TENM2: variants seen among roughly 807,000 people sequenced by gnomAD.
The protein encoded by TENM2 is teneurin-2.
Under a neutral mutation model 245.2 loss-of-function variants are expected in TENM2, and 52 were observed. The ratio of observed to expected loss-of-function variants is 0.21; its 90% CI spans 0.17 to 0.27. The LOEUF (loss-of-function observed/expected upper bound fraction) is 0.27, where lower values mean the gene tolerates loss of function less well. Among genes scored for constraint, TENM2 ranks in the 10% least tolerant of loss-of-function variants. The probability of loss-of-function intolerance (pLI) is 1.00; values close to 1 mark genes in which losing one functional copy is unlikely to be tolerated. For missense variants in TENM2, 3,046 were observed against 3,666.8 expected (o/e 0.83, Z 4.37); for synonymous variants, 1,363 against 1,438.9 (o/e 0.95, Z 1.19).
At chr5:167,915,118 A>G (rs1279952792) in intron 3 of TENM2, among the ~76,000 whole-genome samples, 1 of 152,116 alleles carries the variant, frequency 6.6e-6, no homozygotes, top group Non-Finnish European at 1.5e-5. Context: ...TATCCCACCT[A>G]CCATACCTCC....
intron 2 of TENM2, among the ~76,000 whole-genome samples, chr5:167,702,588 T>A (rs1056816780): frequency 1.6e-4 from 22 of 139,792 alleles, no homozygotes; most frequent in Non-Finnish European, 2.7e-4. Flanking sequence ...ATATATATAT[T>A]TCTTTACATA....
At chr5:168,104,940 G>A (rs748229571) in intron 9 of TENM2, among the ~76,000 whole-genome samples, 2 of 152,168 alleles carry the variant, frequency 1.3e-5, no homozygotes, top group Non-Finnish European at 2.9e-5. Flanking sequence ...CAGACTAGAG[G>A]GAGGAGCGAG....
intron 3 of TENM2, chr5:167,952,375 T>C (rs1260026867): frequency 2.4e-5 from 14 of 593,094 alleles, no homozygotes; most frequent in Non-Finnish European, 3.6e-5. Flanking sequence ...TTATTCTTCA[T>C]TTGATGCGTG....
the TENM2 span, among the ~76,000 whole-genome samples, chr5:166,996,000 A>G: frequency 6.6e-6 from 1 of 151,948 alleles, no homozygotes; most frequent in Non-Finnish European, 1.5e-5. Flanking sequence ...TTTATGATTC[A>G]TATTAATTAA....
rs11287928 is a variant in TENM2, at chr5:167,807,624, TAAAAAAAAA to T, written c.503-68355_503-68347del. ...AGTGACTTAATAAATGCATTTTTTT[TAAAAAAAAA>T]AAAAAAGAGACAGAACCTCTTAAAA... On this transcript the variant is annotated intron_variant, in intron 2 of 28. Transcript: ENST00000518659. Among the ~76,000 whole-genome samples the T allele has an allele frequency of 8.9e-3, 1,335 of 149,722 alleles. 23 individuals carry two copies. Among genetic ancestry groups the T allele is most frequent in the African/African-American group, 0.03 (1,243 of 40,956 alleles).
intron 2 of TENM2, among the ~76,000 whole-genome samples, chr5:167,482,364 C>T (rs12519007): frequency 0.19 from 28,769 of 152,036 alleles, 2,702 homozygotes; most frequent in East Asian, 0.24. Context: ...ACTATATATT[C>T]ATGTGGATGT....
At chr5:168,034,727 G>A (rs1300178212) in intron 5 of TENM2, among the ~76,000 whole-genome samples, 1 of 152,114 alleles carries the variant, frequency 6.6e-6, no homozygotes, top group East Asian at 1.9e-4. Flanking sequence ...AGCTATGACT[G>A]CACCACTACC....
Position 167,929,587 on chromosome 5 carries a change from G to C in TENM2, c.713-23001G>C, listed in dbSNP as rs370885066. 2.6e-5 allele frequency among the ~76,000 whole-genome samples: 4 copies of C among 152,148 alleles called. No individual in the cohort carries two copies. The East Asian group carries it at 5.8e-4, about 22-fold the overall frequency. ...ACCATGTTATTAGCATCACAATCAGGCTCAGGCATACAATAGATGCTTCAT... is the reference window on the plus strand; with the variant it reads ...ACCATGTTATTAGCATCACAATCAGCCTCAGGCATACAATAGATGCTTCAT... On this transcript the variant is annotated intron_variant, in intron 3 of 28. Transcript: ENST00000518659.
At chr5:167,558,798 A>G (rs1056630219) in intron 2 of TENM2, among the ~76,000 whole-genome samples, 2 of 150,902 alleles carry the variant, frequency 1.3e-5, no homozygotes, top group African/African-American at 4.9e-5. Flanking sequence ...CCCCACCACC[A>G]CCATCCACTG....
At chr5:167,727,113 T>C (rs935604276) in intron 2 of TENM2, among the ~76,000 whole-genome samples, 1 of 136,258 alleles carries the variant, frequency 7.3e-6, no homozygotes, top group African/African-American at 2.7e-5. Flanking sequence ...TCTTTTTTTT[T>C]TTTTTTTTTT....
At chr5:167,125,706 T>C in the TENM2 span, among the ~76,000 whole-genome samples, 1 of 152,184 alleles carries the variant, frequency 6.6e-6, no homozygotes, top group African/African-American at 2.4e-5. Flanking sequence ...TAATCGTCCG[T>C]ATGCAGCTTG....
the TENM2 span, among the ~76,000 whole-genome samples, chr5:167,105,145 A>C: frequency 0.023 from 3,568 of 152,272 alleles, 145 homozygotes; most frequent in African/African-American, 0.082. Flanking sequence ...AGTAGATGCA[A>C]TTGTGGAGGG....
chr5:167,026,674 C>G, the TENM2 span, among the ~76,000 whole-genome samples: 2 of 152,098 alleles, frequency 1.3e-5, no homozygotes, highest in South Asian at 4.1e-4. Flanking sequence ...ATCTGATTCC[C>G]GGTGAGGCGT....
chr5:167,735,797 C>A (rs1043053745), intron 2 of TENM2, among the ~76,000 whole-genome samples: 2 of 151,944 alleles, frequency 1.3e-5, no homozygotes, highest in Non-Finnish European at 2.9e-5. Context: ...TAGAGTGAGA[C>A]CCTGTCTCAC....
chr5:167,751,913 A>G (rs1761980643), intron 2 of TENM2, among the ~76,000 whole-genome samples: 2 of 151,834 alleles, frequency 1.3e-5, no homozygotes, highest in Non-Finnish European at 2.9e-5. Context: ...TTGAGAGACA[A>G]GTCTGTCTTC....
chr5:167,592,264 C>T (rs1775926303), intron 2 of TENM2, among the ~76,000 whole-genome samples: 2 of 152,172 alleles, frequency 1.3e-5, no homozygotes, highest in Admixed American at 6.5e-5. Context: ...ACCTTTGTGT[C>T]GTGTTGACAT....
chr5:167,757,968 G>A (rs1009471551), intron 2 of TENM2, among the ~76,000 whole-genome samples: 7 of 152,126 alleles, frequency 4.6e-5, no homozygotes, highest in Non-Finnish European at 8.8e-5. Context: ...TTACCCTGTG[G>A]CATGGACAAA....
intron 7 of TENM2, among the ~76,000 whole-genome samples, chr5:168,064,914 G>T (rs971420014): frequency 1.3e-5 from 2 of 152,182 alleles, no homozygotes; most frequent in African/African-American, 2.4e-5. Context: ...ACATTCATTC[G>T]CTGTCATTAC....
At chr5:168,113,114 C>T (rs988826365) in intron 9 of TENM2, among the ~76,000 whole-genome samples, 11 of 152,038 alleles carry the variant, frequency 7.2e-5, no homozygotes, top group African/African-American at 1.2e-4. Context: ...TTGAGGACTT[C>T]GAGTCCAGAC....
Sources: gnomAD v4.1 joint callset for allele counts (sites outside exome capture counted in the v4.1 genomes callset) on GRCh38, gnomAD v4.1.1 for gene constraint, MANE v1.5 for transcripts, NCBI Gene and HGNC (gene_info 2026-07-23, HGNC 2026-07-21) for gene names.